DHX32: variants seen among roughly 807,000 people sequenced by gnomAD.
DHX32 encodes the protein DEAH-box helicase 32 (putative).
In DHX32, 51 loss-of-function variants were observed where a neutral mutation model predicts 70.0. The observed-to-expected ratio is 0.73, with a 90% CI of 0.58 to 0.92. DHX32 has a LOEUF of 0.92. DHX32 is among the 40% of genes least tolerant of loss of function. The pLI is 0.00. For synonymous variants in DHX32, 310 were observed against 315.3 expected (o/e 0.98, Z 0.18); for missense variants, 762 against 891.8 (o/e 0.85, Z 1.85).
intron 1 of DHX32, chr10:125,869,442 G>A (rs922199185): frequency 5.9e-5 from 9 of 152,234 alleles, no homozygotes; most frequent in Non-Finnish European, 1.0e-4. Context: ...TGGGTGTGGT[G>A]GCGTACGCCT....
intron 1 of DHX32, among the ~76,000 whole-genome samples, chr10:125,870,791 C>T (rs1460684474): frequency 5.3e-5 from 8 of 152,132 alleles, no homozygotes; most frequent in African/African-American, 1.9e-4. Context: ...GAGCTGAGAT[C>T]ACACCACTGC....
intron 2 of DHX32, among the ~76,000 whole-genome samples, chr10:125,862,010 T>G (rs576061551): frequency 6.6e-6 from 1 of 152,248 alleles, no homozygotes; most frequent in Admixed American, 6.5e-5. Flanking sequence ...TGTTTCTCAT[T>G]TAATCTTCAG....
intron 1 of DHX32, among the ~76,000 whole-genome samples, chr10:125,875,053 T>C (rs988593904): frequency 5.7e-4 from 87 of 152,104 alleles, no homozygotes; most frequent in African/African-American, 2.1e-3. Flanking sequence ...ACCCCGTCTC[T>C]ATAAAAAATA....
chr10:125,844,954 C>A (rs944654250), intron 6 of DHX32, among the ~76,000 whole-genome samples: 3 of 152,250 alleles, frequency 2.0e-5, no homozygotes, highest in Non-Finnish European at 2.9e-5. Flanking sequence ...TACAGTATTT[C>A]TTCACTGTTC....
In DHX32 at chr10:125,850,354, CTTT is replaced by C. The variant is rs765077777; in HGVS notation, c.1351+1936_1351+1938del. ...GCCTTTGACTTTCTTTTCTTTCTTTCTTTTTTTTTTTTTTTTTTTTGAGACAGA... is the reference window on the plus strand; with the variant it reads ...GCCTTTGACTTTCTTTTCTTTCTTTCTTTTTTTTTTTTTTTTTGAGACAGA... On this transcript the variant is annotated intron_variant, in intron 6 of 10. Transcript: ENST00000284690. Among the ~76,000 whole-genome samples, 9 of 124,556 alleles carry C rather than the reference CTTT, an allele frequency of 7.2e-5. No homozygotes were observed. In the East Asian group the frequency reaches 1.1e-3, roughly 15 times the overall value. 81.7% of individuals were successfully genotyped at this position (124,556 alleles called of 152,430 possible). A position where few individuals can be genotyped will look rare whatever the true frequency, so the allele number is the denominator to read the frequency against.
At chr10:125,877,342 A>AGCTG (rs879284262) in intron 1 of DHX32, among the ~76,000 whole-genome samples, 2,244 of 151,876 alleles carry the variant, frequency 0.015, 22 homozygotes, top group Non-Finnish European at 0.024. Flanking sequence ...TGTAAATCAG[A>AGCTG]TAAAAAACAT....
chr10:125,890,317 C>T (rs1188413093), intron 1 of DHX32, among the ~76,000 whole-genome samples: 1 of 152,266 alleles, frequency 6.6e-6, no homozygotes, highest in Non-Finnish European at 1.5e-5. Context: ...CTAATCATTA[C>T]TAGGACTTTT....
rs1396802014 is a variant in DHX32, at chr10:125,841,843, CATG to C, written c.1440_1442del (p.Ile480del). The C allele has an allele frequency of 1.9e-5, 30 of 1,613,798 alleles. No individual in the cohort carries two copies. Among genetic ancestry groups the C allele is most frequent in the Non-Finnish European group, 2.5e-5 (30 of 1,179,942 alleles). On this transcript the variant is annotated inframe_deletion, in exon 7 of 11. Transcript: ENST00000284690. ...GTTGTGGATCAAGAGGAAACTCTGA[CATG>C]ATGATTCCAAATTCAGAAAGATTTC...
intron 10 of DHX32, among the ~76,000 whole-genome samples, chr10:125,837,720 A>T (rs1325095337): frequency 6.6e-6 from 1 of 152,098 alleles, no homozygotes; most frequent in Non-Finnish European, 1.5e-5. Context: ...GATCCTTAAA[A>T]CTATATCGAG....
chr10:125,874,300 C>T (rs1265572998), intron 1 of DHX32, among the ~76,000 whole-genome samples: 2 of 152,174 alleles, frequency 1.3e-5, no homozygotes, highest in Non-Finnish European at 2.9e-5. Context: ...AACCAATGCT[C>T]CCACTATCTA....
In DHX32 at chr10:125,841,770, C is replaced by T. The variant is rs779600996; in HGVS notation, c.1516G>A (p.Val506Met). 1.2e-6 allele frequency: 2 copies of T among 1,611,318 alleles called. No individual in the cohort carries two copies. The highest frequency in any genetic ancestry group is 1.7e-6 in the Non-Finnish European group (2 of 1,179,492). The change falls in exon 7 of 11, where the codon GTG becomes ATG. Residue 506 changes from valine (V) to methionine (M), a missense_variant. Val to Met is a conservative substitution (Grantham distance 21). Around this residue, in one of 3 missense-constraint regions of DHX32, gnomAD observed 366 missense variants for 402.6 expected, o/e 0.91. Coordinates refer to ENST00000284690, the MANE Select transcript of DHX32 (RefSeq NM_018180.3). Reference sequence around the variant, plus strand: ...GTTACCATGGCTGCGATTGTTAGCACTTCATCTACACAGTCAAATTCACAG... The same window carrying T: ...GTTACCATGGCTGCGATTGTTAGCATTTCATCTACACAGTCAAATTCACAG... Reference protein sequence around the residue: ...ASCEFDCVDEVLTIAAMVTAP... With the variant: ...ASCEFDCVDEMLTIAAMVTAP...
Position 125,841,781 on chromosome 10 carries a change from C to T in DHX32, c.1505G>A (p.Cys502Tyr). 6.2e-7 allele frequency: 1 copy of T among 1,612,850 alleles called. No individual in the cohort carries two copies. The highest frequency in any genetic ancestry group is 8.5e-7 in the Non-Finnish European group (1 of 1,179,796). ...KSILASCEFD[C>Y]VDEVLTIAAM... ...TGCGATTGTTAGCACTTCATCTACA[C>T]AGTCAAATTCACAGGACGCTAAGAT... Residue 502 changes from cysteine (C) to tyrosine (Y), a missense_variant, in exon 7 of 11, where the codon TGT becomes TAT. Coordinates refer to ENST00000284690, the MANE Select transcript of DHX32 (RefSeq NM_018180.3).
rs138456279 is a variant in DHX32 at position 125,866,368 on chromosome 10, C to G, written c.476+622G>C. Among the ~76,000 whole-genome samples the G allele has an allele frequency of 1.9e-3, 288 of 152,318 alleles. No individual in the cohort carries two copies. The highest frequency in any genetic ancestry group is 6.6e-3 in the African/African-American group (275 of 41,554). On this transcript the variant is annotated intron_variant, in intron 2 of 10. Transcript: ENST00000284690. The surrounding 1 kb of genome is among the most constrained non-coding windows in gnomAD (Gnocchi z 4.8). The stretch of plus-strand genomic sequence containing the variant: ...AGCACAGAAGAGATACCACAACTTG[C>G]GGTAGCCACAGAGAAGTCTCCTTGG...
rs3208565 is a variant in DHX32 at position 125,841,756 on chromosome 10, T to C, written c.1530A>G (p.Ala510=). Residue 510 remains alanine (A), a synonymous_variant, in exon 7 of 11, where the codon GCA becomes GCG. Coordinates refer to ENST00000284690, the MANE Select transcript of DHX32 (RefSeq NM_018180.3). ...FDCVDEVLTI[A]AMVTAPNCFS... ...CATTAAGGATACCTGTTACCATGGC[T>C]GCGATTGTTAGCACTTCATCTACAC... The C allele has an allele frequency of 0.46, 746,304 of 1,610,018 alleles. 175,557 individuals are homozygous for C. Among genetic ancestry groups the C allele is most frequent in the African/African-American group, 0.58 (43,371 of 74,684 alleles).
chr10:125,836,554 T>C lies in DHX32; in HGVS notation c.*133A>G. ...TTCTATTTTTTATTTTAAAATAATATACACAGTGTTATTTTCTTCAAGACC... is the reference window on the plus strand; with the variant it reads ...TTCTATTTTTTATTTTAAAATAATACACACAGTGTTATTTTCTTCAAGACC... On this transcript the variant is annotated 3_prime_UTR_variant, in exon 11 of 11. Coordinates refer to ENST00000284690, the MANE Select transcript of DHX32 (RefSeq NM_018180.3). 3 of 1,334,974 alleles carry C rather than the reference T, an allele frequency of 2.2e-6. No individual in the cohort carries two copies. Among genetic ancestry groups the C allele is most frequent in the South Asian group, 3.4e-5 (2 of 58,712 alleles). The allele number at this position is 1,334,974 out of a possible 1,614,324, so 82.7% of individuals were successfully genotyped here.
chr10:125,836,936 C>G (rs1564821120), intron 10 of DHX32, 81 bp from the exon 11 acceptor site: 7 of 1,263,462 alleles, frequency 5.5e-6, no homozygotes, highest in Non-Finnish European at 6.8e-6. Flanking sequence ...GGGCACTTCC[C>G]ATCCCTGGAG....
At chr10:125,864,494 G>A (rs1477182810) in intron 2 of DHX32, among the ~76,000 whole-genome samples, 2 of 152,100 alleles carry the variant, frequency 1.3e-5, no homozygotes, top group Non-Finnish European at 2.9e-5. Flanking sequence ...TATTTCCTTT[G>A]GGTGTCAGAA....
intron 3 of DHX32, among the ~76,000 whole-genome samples, chr10:125,856,541 T>C (rs1231471724): frequency 3.3e-5 from 5 of 152,330 alleles, no homozygotes; most frequent in Non-Finnish European, 7.3e-5. Context: ...ACAGCAGGTG[T>C]GGTGCTAGGC....
Position 125,836,504 on chromosome 10 carries a change from G to A in DHX32, c.*183C>T, listed in dbSNP as rs543896966. The stretch of plus-strand genomic sequence containing the variant: ...CCAAGAAGAAGAAAAGCATGGAGTA[G>A]TAATTTAAAGAACTCAATAAAAACT... On this transcript the variant is annotated 3_prime_UTR_variant, in exon 11 of 11. Coordinates refer to ENST00000284690, the MANE Select transcript of DHX32 (RefSeq NM_018180.3). 3,553 of 1,352,192 alleles carry A rather than the reference G, an allele frequency of 2.6e-3. 4 individuals are homozygous for A. The highest frequency in any genetic ancestry group is 3.0e-3 in the Non-Finnish European group (3,101 of 1,039,100). 83.8% of individuals were successfully genotyped at this position (1,352,192 alleles called of 1,614,324 possible).
Sources: allele counts gnomAD v4.1 joint callset (sites outside exome capture counted in the v4.1 genomes callset), GRCh38; gene constraint gnomAD v4.1.1; regional missense constraint gnomAD v4.1.1; non-coding constraint Gnocchi (gnomAD v3.1); transcripts MANE v1.5; gene names NCBI Gene and HGNC (gene_info 2026-07-23, HGNC 2026-07-21).